Variants in CUX1 observed in about 807,000 individuals in gnomAD.
The protein encoded by CUX1 is cut like homeobox 1.
A neutral mutation model predicts 158.8 loss-of-function variants in CUX1; 31 were observed. The ratio of observed to expected loss-of-function variants is 0.20; its 90% CI spans 0.15 to 0.26. The LOEUF is 0.26. Ranked by LOEUF, CUX1 falls within the 10% of genes least tolerant of loss-of-function variation. The probability of loss-of-function intolerance (pLI) is 1.00; values close to 1 mark genes in which losing one functional copy is unlikely to be tolerated. For synonymous variants in CUX1, 879 were observed against 862.1 expected (o/e 1.02, Z -0.34); for missense variants, 1,589 against 2,014.6 (o/e 0.79, Z 4.04).
chr7:101,933,677 G>A (rs552278592), intron 2 of CUX1, among the ~76,000 whole-genome samples: 45 of 152,156 alleles, frequency 3.0e-4, no homozygotes, highest in African/African-American at 9.2e-4. Flanking sequence ...CTTACCTCCC[G>A]TTGACCGTTT....
chr7:102,054,661 C>T (rs1483130498), intron 3 of CUX1, among the ~76,000 whole-genome samples: 1 of 152,112 alleles, frequency 6.6e-6, no homozygotes, highest in Non-Finnish European at 1.5e-5. Context: ...ATCAACTTGT[C>T]AATTTCTGCA....
chr7:102,082,012 C>A (rs1175944862), intron 4 of CUX1, among the ~76,000 whole-genome samples: 2 of 146,326 alleles, frequency 1.4e-5, no homozygotes, highest in African/African-American at 4.9e-5. Flanking sequence ...CTTTCACACC[C>A]AATAGCCAGG....
intron 2 of CUX1, among the ~76,000 whole-genome samples, chr7:101,935,966 C>T (rs1054619965): frequency 6.6e-6 from 1 of 152,314 alleles, no homozygotes; most frequent in South Asian, 2.1e-4. Flanking sequence ...CTGCGAGAAA[C>T]ACGCTCTTAA....
At chr7:102,194,793 T>C (rs782069892) in intron 13 of CUX1, among the ~76,000 whole-genome samples, 4 of 151,698 alleles carry the variant, frequency 2.6e-5, no homozygotes, top group Non-Finnish European at 4.4e-5. Flanking sequence ...GAGGCTGAGG[T>C]AGGTGGATCA....
intron 9 of CUX1, chr7:102,160,971 A>T (rs1016572957): frequency 2.0e-4 from 30 of 152,334 alleles, no homozygotes; most frequent in African/African-American, 6.0e-4. Context: ...ATGTTAAAAA[A>T]TTTTTTGAAA....
intron 2 of CUX1, among the ~76,000 whole-genome samples, chr7:101,949,351 C>T (rs769515636): frequency 2.6e-5 from 4 of 151,864 alleles, no homozygotes; most frequent in Non-Finnish European, 2.9e-5. Flanking sequence ...AGGATAGTCT[C>T]GATCTCCTGA....
At chr7:101,997,625 T>C (rs1028970313) in intron 2 of CUX1, among the ~76,000 whole-genome samples, 90 of 152,186 alleles carry the variant, frequency 5.9e-4, no homozygotes, top group Non-Finnish European at 5.9e-5. Context: ...ATTATAGGCA[T>C]GAGCCACCAG....
At chr7:102,269,572 A>ATTTTTTT (rs71123030) in intron 14 of CUX1, among the ~76,000 whole-genome samples, 37 of 107,766 alleles carry the variant, frequency 3.4e-4, no homozygotes, top group African/African-American at 5.8e-4. Context: ...TGCCCGGCTA[A>ATTTTTTT]TTTTTTTTTT....
intron 21 of CUX1, chr7:102,282,639 C>T: frequency 6.5e-7 from 1 of 1,530,736 alleles, no homozygotes. Context: ...CAGGCCAGGC[C>T]CAGGGGCCAT....
chr7:101,880,630 TA>T (rs1799615312), intron 1 of CUX1, among the ~76,000 whole-genome samples: 1 of 152,244 alleles, frequency 6.6e-6, no homozygotes, highest in Non-Finnish European at 1.5e-5. Context: ...TAGTGTACTT[TA>T]ACCTTTTTGA....
At chr7:102,282,981 A>G in intron 22 of CUX1, 1 of 1,442,428 alleles carries the variant, frequency 6.9e-7, no homozygotes, top group Non-Finnish European at 9.5e-7. Context: ...CTTCCCCAAC[A>G]CACACACTCG....
chr7:102,121,898 G>A (rs1236236425), intron 8 of CUX1, among the ~76,000 whole-genome samples: 1 of 152,092 alleles, frequency 6.6e-6, no homozygotes. Context: ...GCAAAGGTGA[G>A]GGCTAGTCAG....
chr7:101,841,424 A>G (rs1363145290), intron 1 of CUX1, among the ~76,000 whole-genome samples: 1 of 151,552 alleles, frequency 6.6e-6, no homozygotes, highest in African/African-American at 2.4e-5. Flanking sequence ...TGATCTTGAA[A>G]AAACAGCTTT....
intron 1 of CUX1, among the ~76,000 whole-genome samples, chr7:101,884,711 A>G (rs531387844): frequency 3.9e-5 from 6 of 152,308 alleles, no homozygotes; most frequent in Admixed American, 1.3e-4. Context: ...GCAAATTTCT[A>G]TGCATTATAT....
At chr7:102,001,081 A>G (rs1460303516) in intron 2 of CUX1, among the ~76,000 whole-genome samples, 1 of 151,954 alleles carries the variant, frequency 6.6e-6, no homozygotes, top group African/African-American at 2.4e-5. Flanking sequence ...GCCTGGCCAT[A>G]GGGGAAGATA....
chr7:102,193,733 C>A, intron 12 of CUX1, 109 bp from the exon 13 acceptor site: 2 of 1,088,474 alleles, frequency 1.8e-6, no homozygotes, highest in South Asian at 1.4e-5. Context: ...TGAACCTGGG[C>A]AGAGGTTGCA....
intron 3 of CUX1, among the ~76,000 whole-genome samples, chr7:102,032,901 G>T (rs1010306952): frequency 8.5e-5 from 13 of 152,060 alleles, no homozygotes; most frequent in Non-Finnish European, 1.5e-4. Flanking sequence ...CAACAATTTA[G>T]ACAATCCCTT....
intron 2 of CUX1, among the ~76,000 whole-genome samples, chr7:101,989,172 CA>C (rs1041658513): frequency 6.6e-6 from 1 of 152,034 alleles, no homozygotes; most frequent in African/African-American, 2.4e-5. Flanking sequence ...ATTCCCCCAG[CA>C]CCGACGTCAC....
intron 1 of CUX1, among the ~76,000 whole-genome samples, chr7:101,907,568 C>T (rs943061534): frequency 1.3e-5 from 2 of 152,050 alleles, no homozygotes; most frequent in Non-Finnish European, 2.9e-5. Flanking sequence ...TGGCTGGTTT[C>T]GAACTTCTGA....
Sources: gnomAD v4.1 joint callset for allele counts (sites outside exome capture counted in the v4.1 genomes callset) on GRCh38, gnomAD v4.1.1 for gene constraint, MANE v1.5 for transcripts, NCBI Gene and HGNC (gene_info 2026-07-23, HGNC 2026-07-21) for gene names.